TEX9: variants seen among roughly 807,000 people sequenced by gnomAD.
The protein encoded by TEX9 is testis expressed 9.
Under a neutral mutation model 59.6 loss-of-function variants are expected in TEX9, and 74 were observed. That is an observed-to-expected ratio of 1.24 (90% CI 1.03 to 1.51). The LOEUF is 1.51. TEX9 is among the 40% of genes most tolerant of loss of function. The probability of loss-of-function intolerance (pLI) is 0.00; values close to 1 mark genes in which losing one functional copy is unlikely to be tolerated. For missense variants in TEX9, 522 were observed against 447.8 expected, an observed-to-expected ratio of 1.17 and a Z score of -1.49; for synonymous variants, 186 against 152.2, an observed-to-expected ratio of 1.22 and a Z score of -1.64.
intron 1 of TEX9, among the ~76,000 whole-genome samples, chr15:56,327,470 A>G (rs2046043628): frequency 1.3e-5 from 2 of 152,180 alleles, no homozygotes; most frequent in Non-Finnish European, 2.9e-5. Context: ...GCCTCCACTC[A>G]TTGTGCCTCC....
chr15:56,346,433 A>G (rs1359624355), intron 1 of TEX9, among the ~76,000 whole-genome samples: 4 of 152,148 alleles, frequency 2.6e-5, no homozygotes, highest in Admixed American at 6.5e-5. Flanking sequence ...GATGGCATCT[A>G]TCCTTCTCCA....
At chr15:56,367,538 T>C (rs2047002203) in intron 2 of TEX9, among the ~76,000 whole-genome samples, 1 of 152,184 alleles carries the variant, frequency 6.6e-6, no homozygotes, top group South Asian at 2.1e-4. Flanking sequence ...TTTTTCAAGC[T>C]TCATTCCTGT....
intron 1 of TEX9, among the ~76,000 whole-genome samples, chr15:56,271,101 CAATTATGTG>C (rs1182453226): frequency 6.6e-6 from 1 of 152,104 alleles, no homozygotes; most frequent in Non-Finnish European, 1.5e-5. Flanking sequence ...GTGAATCTGA[CAATTATGTG>C]TCTTGGGGTT....
chr15:56,422,867 C>T (rs2050049737), intron 10 of TEX9, among the ~76,000 whole-genome samples: 1 of 152,080 alleles, frequency 6.6e-6, no homozygotes, highest in Admixed American at 6.6e-5. Flanking sequence ...ATAAATTTGA[C>T]TGCTCTAGGA....
intron 1 of TEX9, among the ~76,000 whole-genome samples, chr15:56,316,898 G>A (rs1272914730): frequency 6.6e-6 from 1 of 152,216 alleles, no homozygotes; most frequent in African/African-American, 2.4e-5. Context: ...ATTCGGGTGG[G>A]AGTGACCCGA....
intron 1 of TEX9, among the ~76,000 whole-genome samples, chr15:56,254,984 C>T (rs2141315172): frequency 6.6e-6 from 1 of 151,578 alleles, no homozygotes; most frequent in South Asian, 2.1e-4. Flanking sequence ...ATGATGAATC[C>T]AAGAAAGATG....
chr15:56,275,116 T>C (rs1466377328), intron 1 of TEX9, among the ~76,000 whole-genome samples: 2 of 152,148 alleles, frequency 1.3e-5, no homozygotes, highest in African/African-American at 4.8e-5. Context: ...GCTTTCTTAA[T>C]CCTTTCACTC....
chr15:56,399,882 C>A (rs1427962798), intron 9 of TEX9, among the ~76,000 whole-genome samples: 5 of 152,144 alleles, frequency 3.3e-5, no homozygotes, highest in African/African-American at 1.2e-4. Flanking sequence ...AAAAGAACTG[C>A]AGATGAGGGA....
intron 2 of TEX9, among the ~76,000 whole-genome samples, chr15:56,369,055 A>G (rs191839808): frequency 8.5e-5 from 13 of 152,138 alleles, no homozygotes; most frequent in Non-Finnish European, 1.6e-4. Context: ...ACTATATTCC[A>G]GGACTTGTTT....
chr15:56,348,519 C>A (rs904746926), intron 1 of TEX9, among the ~76,000 whole-genome samples: 1 of 152,078 alleles, frequency 6.6e-6, no homozygotes. Flanking sequence ...AAATAAACAA[C>A]TCAGGGTTGA....
intron 3 of TEX9, among the ~76,000 whole-genome samples, chr15:56,382,303 A>C (rs1350805484): frequency 1.3e-5 from 2 of 152,160 alleles, no homozygotes; most frequent in African/African-American, 4.8e-5. Flanking sequence ...GCTGTCTAAG[A>C]GTCAAATCCT....
chr15:56,412,340 A>C, exon 10 of TEX9: 1 of 1,613,338 alleles, frequency 6.2e-7, no homozygotes, highest in Non-Finnish European at 8.5e-7. Context: ...AACAGGCTGC[A>C]AGTAGTCAAA....
At chr15:56,408,202 T>C (rs1050443119) in intron 9 of TEX9, among the ~76,000 whole-genome samples, 1 of 152,206 alleles carries the variant, frequency 6.6e-6, no homozygotes, top group Non-Finnish European at 1.5e-5. Context: ...AAAATACTTT[T>C]GCTTAGGCTT....
At chr15:56,455,671 C>G in the TEX9 span, among the ~76,000 whole-genome samples, 1 of 152,274 alleles carries the variant, frequency 6.6e-6, no homozygotes, top group South Asian at 2.1e-4. Context: ...TAGGCAGGAT[C>G]AAGAAACATT....
In TEX9 at chr15:56,414,369, T is replaced by G. The variant is rs796475549; in HGVS notation, c.963+1933T>G. Reference sequence around the variant, plus strand: ...TATTAGGCCCAGTACTCAATAGTTATCTCTTCTGCTCCTCTCCCTTTTTCC... The same window carrying G: ...TATTAGGCCCAGTACTCAATAGTTAGCTCTTCTGCTCCTCTCCCTTTTTCC... On this transcript the variant is annotated intron_variant, in intron 10 of 12. Coordinates refer to ENST00000352903, the Ensembl canonical transcript of TEX9. Among the ~76,000 whole-genome samples the G allele has an allele frequency of 2.0e-4, 30 of 151,846 alleles. 1 individual carries two copies. Among genetic ancestry groups the G allele is most frequent in the African/African-American group, 6.6e-4 (27 of 41,214 alleles).
chr15:56,434,403 A>G, intron 12 of TEX9: 5 of 1,602,520 alleles, frequency 3.1e-6, no homozygotes, highest in Admixed American at 1.7e-5. Context: ...TTCCTAAACA[A>G]TACAGCTGAA....
chr15:56,309,693 G>GTTTTTTTTTTTTTTT lies in TEX9; in HGVS notation c.-106-63731_-106-63717dup, dbSNP rs60648387. On this transcript the variant is annotated intron_variant, in intron 1 of 5. Transcript: ENST00000560827. ...TCTGGGCCTGGGATTTTTATGGGAA[G>GTTTTTTTTTTTTTTT]TTTTTTTTTTTTTTTTTTTTTTTTT... Among the ~76,000 whole-genome samples the GTTTTTTTTTTTTTTT allele has an allele frequency of 2.0e-4, 12 of 60,784 alleles. 1 individual carries two copies. The highest frequency in any genetic ancestry group is 6.6e-4 in the East Asian group (1 of 1,520). The allele number at this position is 60,784 out of a possible 152,430, so 39.9% of individuals were successfully genotyped here. A position where few individuals can be genotyped will look rare whatever the true frequency, so the allele number is the denominator to read the frequency against.
chr15:56,357,757 A>G (rs1341087203), intron 1 of TEX9, among the ~76,000 whole-genome samples: 4 of 152,122 alleles, frequency 2.6e-5, no homozygotes, highest in African/African-American at 9.7e-5. Flanking sequence ...ATTATTTATC[A>G]TATTTGCCTG....
At chr15:56,402,404 C>G (rs2048841800) in intron 9 of TEX9, among the ~76,000 whole-genome samples, 1 of 152,134 alleles carries the variant, frequency 6.6e-6, no homozygotes, top group African/African-American at 2.4e-5. Context: ...GGATGAATTC[C>G]TGGACACATA....
Sources: gnomAD v4.1 joint callset for allele counts (sites outside exome capture counted in the v4.1 genomes callset) on GRCh38, gnomAD v4.1.1 for gene constraint, MANE v1.5 for transcripts, NCBI Gene and HGNC (gene_info 2026-07-23, HGNC 2026-07-21) for gene names.